The following CERS3 variants were observed in gnomAD, a reference collection of about 807,000 sequenced individuals.
CERS3 encodes ceramide synthase 3, also known as LAG1 homolog, ceramide synthase 3.
Under a neutral mutation model 50.3 loss-of-function variants are expected in CERS3, and 33 were observed. The observed-to-expected ratio is 0.66, with a 90% CI of 0.50 to 0.88. The LOEUF (loss-of-function observed/expected upper bound fraction) is 0.88, where lower values mean the gene tolerates loss of function less well. Ranked by LOEUF, CERS3 falls within the 40% of genes least tolerant of loss-of-function variation. The pLI is 0.00. For synonymous variants in CERS3, 176 were observed against 155.2 expected (o/e 1.13, Z -0.99); for missense variants, 470 against 460.3 (o/e 1.02, Z -0.19).
intron 11 of CERS3, among the ~76,000 whole-genome samples, chr15:100,417,338 C>G (rs575026386): frequency 6.6e-6 from 1 of 151,700 alleles, no homozygotes; most frequent in East Asian, 1.9e-4. Flanking sequence ...CCTGGAAAAT[C>G]GGGTCACTCC....
intron 11 of CERS3, among the ~76,000 whole-genome samples, chr15:100,453,954 A>T (rs2034266056): frequency 1.3e-5 from 2 of 152,352 alleles, no homozygotes; most frequent in South Asian, 4.1e-4. Flanking sequence ...TACAAGGAAA[A>T]CTACAAAACA....
chr15:100,417,448 T>G (rs2032022035), intron 11 of CERS3, among the ~76,000 whole-genome samples: 1 of 152,010 alleles, frequency 6.6e-6, no homozygotes, highest in African/African-American at 2.4e-5. Context: ...GGAGTCTCGC[T>G]GATTGCTAGC....
Position 100,410,035 on chromosome 15 carries a change from T to C in CERS3, c.1000-7170A>G, listed in dbSNP as rs560763851. On this transcript the variant is annotated intron_variant, in intron 11 of 11. Transcript: ENST00000679737. ...TAGCCGCCATTACAGAGCATATTGCTCTTCTGATAACCTAGCAAAGGTACC... is the reference window on the plus strand; with the variant it reads ...TAGCCGCCATTACAGAGCATATTGCCCTTCTGATAACCTAGCAAAGGTACC... Among the ~76,000 whole-genome samples, 6 of 152,318 alleles carry C rather than the reference T, an allele frequency of 3.9e-5. No homozygotes were observed. The South Asian group carries it at 8.3e-4, about 21-fold the overall frequency.
chr15:100,432,012 CG>C (rs1398137019), intron 11 of CERS3, among the ~76,000 whole-genome samples: 2 of 152,000 alleles, frequency 1.3e-5, no homozygotes, highest in African/African-American at 4.8e-5. Flanking sequence ...ATAATTAGGA[CG>C]TTTTCATGAG....
At chr15:100,501,539 A>C (rs1462040098) in intron 3 of CERS3, 138 bp downstream of exon 3, 1 of 680,026 alleles carries the variant, frequency 1.5e-6, no homozygotes, top group African/African-American at 1.8e-5. Context: ...ACATTAACTC[A>C]TCCCCAGAAT....
chr15:100,429,797 C>T (rs1422206886), intron 11 of CERS3, among the ~76,000 whole-genome samples: 1 of 152,132 alleles, frequency 6.6e-6, no homozygotes, highest in Non-Finnish European at 1.5e-5. Context: ...CCGTATTGTA[C>T]AATATGTGTA....
chr15:100,401,365 A>T lies in CERS3; in HGVS notation c.*1348T>A, dbSNP rs952214740. On this transcript the variant is annotated 3_prime_UTR_variant, in exon 12 of 12. Coordinates refer to ENST00000679737, the MANE Select transcript of CERS3 (RefSeq NM_001378789.1). ...CAGCCCTGCACATTGTGCCCAGGAG[A>T]TGTGTCCCTCTGGTGACAAGGCCGC... 43 of 152,350 alleles carry T rather than the reference A, an allele frequency of 2.8e-4. No individual in the cohort carries two copies. The highest frequency in any genetic ancestry group is 1.0e-3 in the African/African-American group (42 of 41,548). The allele number at this position is 152,350 out of a possible 1,614,324, so 9.4% of individuals were successfully genotyped here.
At chr15:100,441,982 G>C (rs756412437) in intron 11 of CERS3, among the ~76,000 whole-genome samples, 13 of 151,820 alleles carry the variant, frequency 8.6e-5, no homozygotes, top group Admixed American at 8.5e-4. Flanking sequence ...CTCAGCCTCC[G>C]CTCCTCCACC....
intron 11 of CERS3, among the ~76,000 whole-genome samples, chr15:100,430,238 G>A (rs1401744532): frequency 6.6e-6 from 1 of 151,836 alleles, no homozygotes; most frequent in Non-Finnish European, 1.5e-5. Context: ...CGTGAACCCG[G>A]GAGGCGGAGC....
At chr15:100,438,838 C>A (rs887220604) in intron 11 of CERS3, among the ~76,000 whole-genome samples, 3 of 152,242 alleles carry the variant, frequency 2.0e-5, no homozygotes, top group African/African-American at 7.2e-5. Context: ...ATCACACAGA[C>A]ATGCTTGAGC....
At chr15:100,500,611 G>A (rs1440582534) in intron 3 of CERS3, 2 of 152,164 alleles carry the variant, frequency 1.3e-5, no homozygotes, top group Non-Finnish European at 2.9e-5. Context: ...CTTTATTTAT[G>A]CATTCTTGAC....
chr15:100,416,944 G>C (rs1349100902), intron 11 of CERS3, among the ~76,000 whole-genome samples: 1 of 152,060 alleles, frequency 6.6e-6, no homozygotes, highest in African/African-American at 2.4e-5. Flanking sequence ...AAAAGAAAAC[G>C]TACATGCAGC....
chr15:100,420,940 A>G (rs1158151227), intron 11 of CERS3, among the ~76,000 whole-genome samples: 1 of 146,546 alleles, frequency 6.8e-6, no homozygotes, highest in Non-Finnish European at 1.5e-5. Context: ...TTTCAAAATA[A>G]TAAGAGCTAT....
At chr15:100,497,316 G>A (rs61377617) in intron 3 of CERS3, among the ~76,000 whole-genome samples, 1 of 151,486 alleles carries the variant, frequency 6.6e-6, no homozygotes, top group Non-Finnish European at 1.5e-5. Flanking sequence ...ATGTGTGTGT[G>A]TGTGTGTGTG....
chr15:100,477,661 G>A (rs2035174571), intron 7 of CERS3, among the ~76,000 whole-genome samples: 1 of 152,118 alleles, frequency 6.6e-6, no homozygotes, highest in Admixed American at 6.5e-5. Flanking sequence ...CATAAATTCT[G>A]CATATGCCAG....
chr15:100,438,600 T>C (rs2033537332), intron 11 of CERS3, among the ~76,000 whole-genome samples: 1 of 119,910 alleles, frequency 8.3e-6, no homozygotes, highest in Non-Finnish European at 1.9e-5. Flanking sequence ...GAAATTACTG[T>C]GTGAATTTGG....
At position 100,410,807 on chromosome 15, in the gene CERS3, T is replaced by C. The variant is rs146048300; in HGVS notation, c.1000-7942A>G. Reference sequence around the variant, plus strand: ...CATTGTCTAAAGTCCTTTTTAAATTTCTGTGGCAAAATGCACATAAGATTT... The same window carrying C: ...CATTGTCTAAAGTCCTTTTTAAATTCCTGTGGCAAAATGCACATAAGATTT... On this transcript the variant is annotated intron_variant, in intron 11 of 11. Coordinates refer to ENST00000679737, the MANE Select transcript of CERS3 (RefSeq NM_001378789.1). 5.2e-3 allele frequency among the ~76,000 whole-genome samples: 798 copies of C among 152,368 alleles called. 7 individuals carry two copies. Among genetic ancestry groups the C allele is most frequent in the African/African-American group, 0.018 (764 of 41,592 alleles).
intron 2 of CERS3, among the ~76,000 whole-genome samples, chr15:100,508,736 G>A (rs796554688): frequency 2.6e-5 from 4 of 152,162 alleles, no homozygotes; most frequent in African/African-American, 9.6e-5. Context: ...TCTGTTAACA[G>A]CTCCTCAGTA....
intron 2 of CERS3, among the ~76,000 whole-genome samples, chr15:100,517,376 A>G (rs1466688088): frequency 1.3e-5 from 2 of 152,122 alleles, no homozygotes; most frequent in Non-Finnish European, 2.9e-5. Flanking sequence ...CAATACCCTG[A>G]TCAGGGTTTA....
Sources: allele counts gnomAD v4.1 joint callset (sites outside exome capture counted in the v4.1 genomes callset), GRCh38; gene constraint gnomAD v4.1.1; transcripts MANE v1.5; gene names NCBI Gene and HGNC (gene_info 2026-07-23, HGNC 2026-07-21).